Variants in CALCR observed in about 807,000 individuals in gnomAD.
CALCR encodes calcitonin receptor.
A neutral mutation model predicts 59.5 loss-of-function variants in CALCR; 47 were observed. That is an observed-to-expected ratio of 0.79 (90% CI 0.63 to 1.01). CALCR has a LOEUF of 1.01. Among genes scored for constraint, CALCR ranks in the 50% least tolerant of loss-of-function variants. The pLI, the probability that CALCR is intolerant of heterozygous loss-of-function variation, is 0.00. For synonymous variants in CALCR, 213 were observed against 211.3 expected (o/e 1.01, Z -0.07); for missense variants, 566 against 597.1 (o/e 0.95, Z 0.54).
chr7:93,434,261 TGCAGAA>T lies in CALCR; in HGVS notation c.1177_1182del (p.Phe393_Cys394del). Reference sequence around the variant, plus strand: ...ATGAAATGCATGCTTACCTCATTGTTGCAGAAGCAGTAGATGGTCGCAACAAAGAAG... The same window carrying T: ...ATGAAATGCATGCTTACCTCATTGTTGCAGTAGATGGTCGCAACAAAGAAG... On this transcript the variant is annotated inframe_deletion, in exon 13 of 14. Transcript: ENST00000426151. 6.2e-7 allele frequency: 1 copy of T among 1,610,604 alleles called. No individual in the cohort carries two copies. The highest frequency in any genetic ancestry group is 1.1e-5 in the South Asian group (1 of 91,002).
At chr7:93,486,810 A>G (rs1293509274) in intron 3 of CALCR, 121 bp downstream of exon 3, 3 of 694,856 alleles carry the variant, frequency 4.3e-6, no homozygotes, top group African/African-American at 1.9e-5. Context: ...TGAGGAACTT[A>G]GTTTCGGCTT....
At chr7:93,566,698 G>C (rs957337687) in intron 2 of CALCR, among the ~76,000 whole-genome samples, 1 of 152,146 alleles carries the variant, frequency 6.6e-6, no homozygotes, top group Non-Finnish European at 1.5e-5. Flanking sequence ...GAATGGGCTT[G>C]ATAATATACC....
At chr7:93,559,821 T>C (rs1474891530) in intron 2 of CALCR, 3 of 152,098 alleles carry the variant, frequency 2.0e-5, no homozygotes, top group Non-Finnish European at 4.4e-5. Flanking sequence ...CAACTTCCCT[T>C]TGGAGATTGG....
intron 2 of CALCR, among the ~76,000 whole-genome samples, chr7:93,548,249 A>G (rs1380151355): frequency 6.6e-6 from 1 of 152,190 alleles, no homozygotes; most frequent in Non-Finnish European, 1.5e-5. Context: ...TCTTGGATAG[A>G]GCATCTTTTG....
In CALCR at chr7:93,563,064, A is replaced by G. The variant is rs2116271731; in HGVS notation, c.-27+11225T>C. On this transcript the variant is annotated intron_variant, in intron 2 of 13. Transcript: ENST00000426151. ...ACTTGCAAAAGGCTGTGTAGCCTGA[A>G]CATGGAAGTACACACAAAGTTTCCT... Among the ~76,000 whole-genome samples, 3 of 152,346 alleles carry G rather than the reference A, an allele frequency of 2.0e-5. 1 individual carries two copies. In the Middle Eastern group the frequency reaches 0.01, roughly 518 times the overall value.
intron 7 of CALCR, among the ~76,000 whole-genome samples, chr7:93,461,320 G>A (rs1486908995): frequency 2.0e-5 from 3 of 152,154 alleles, no homozygotes; most frequent in Non-Finnish European, 4.4e-5. Context: ...GTTCATTGTT[G>A]CAACCAGGAA....
chr7:93,439,637 C>T (rs763501103), intron 9 of CALCR, among the ~76,000 whole-genome samples: 8 of 151,644 alleles, frequency 5.3e-5, no homozygotes, highest in African/African-American at 9.7e-5. Context: ...TCCCCAAGGT[C>T]CCAAGATCCA....
chr7:93,542,061 G>T (rs1215918937), intron 2 of CALCR, among the ~76,000 whole-genome samples: 2 of 152,070 alleles, frequency 1.3e-5, no homozygotes, highest in Non-Finnish European at 2.9e-5. Context: ...CTGCCATTTT[G>T]ATATATTTAC....
Position 93,468,717 on chromosome 7 carries a change from G to A in CALCR, c.519C>T (p.Phe173=). 6.2e-7 allele frequency: 1 copy of A among 1,605,368 alleles called. No homozygotes were observed. Among genetic ancestry groups the A allele is most frequent in the Non-Finnish European group, 8.5e-7 (1 of 1,173,474 alleles). The stretch of plus-strand genomic sequence containing the variant: ...GCAGATGCTGTGAGTGTACTTACCT[G>A]AAAAACACGAAAATCCCCAGGGAAA... ...LVISLGIFVF[F]RSLGCQRVTL... Residue 173 remains phenylalanine (F), a splice_region_variant and synonymous_variant, in exon 7 of 14, where the codon TTC becomes TTT. Coordinates refer to ENST00000426151, the MANE Select transcript of CALCR (RefSeq NM_001742.4).
At chr7:93,559,571 T>C (rs1018761927) in intron 2 of CALCR, 1 of 152,132 alleles carries the variant, frequency 6.6e-6, no homozygotes, top group Non-Finnish European at 1.5e-5. Context: ...TCCTCACTTT[T>C]AGCAGTGGTG....
chr7:93,518,941 G>T lies in CALCR; in HGVS notation c.-26-31934C>A, dbSNP rs1801701115. Among the ~76,000 whole-genome samples, 3 of 151,924 alleles carry T rather than the reference G, an allele frequency of 2.0e-5. No homozygotes were observed. The South Asian group carries it at 6.2e-4, about 32-fold the overall frequency. On this transcript the variant is annotated intron_variant, in intron 2 of 13. Coordinates refer to ENST00000426151, the MANE Select transcript of CALCR (RefSeq NM_001742.4). ...GTGGTTTCCTCTGAGGAGATGAGTT[G>T]TAGGATTGAGAGAAAAAATTTTTTA...
At chr7:93,429,956 CAG>C (rs1345802070) in intron 13 of CALCR, among the ~76,000 whole-genome samples, 2 of 122,420 alleles carry the variant, frequency 1.6e-5, no homozygotes, top group African/African-American at 3.3e-5. Context: ...TTTTTTGAGA[CAG>C]AGTCTTGCTG....
At chr7:93,524,600 G>T (rs1039148193) in intron 2 of CALCR, among the ~76,000 whole-genome samples, 1 of 152,074 alleles carries the variant, frequency 6.6e-6, no homozygotes, top group African/African-American at 2.4e-5. Flanking sequence ...ATGCTTTCTA[G>T]TACTAAGTAA....
At chr7:93,492,717 A>G (rs888343281) in intron 2 of CALCR, among the ~76,000 whole-genome samples, 21 of 151,378 alleles carry the variant, frequency 1.4e-4, no homozygotes, top group African/African-American at 5.1e-4. Flanking sequence ...AAATAACTCA[A>G]ATGCAGACTG....
At chr7:93,437,400 G>A (rs1211317623) in intron 11 of CALCR, among the ~76,000 whole-genome samples, 1 of 152,046 alleles carries the variant, frequency 6.6e-6, no homozygotes, top group South Asian at 2.1e-4. Context: ...TAATGACCTA[G>A]AGTTAGAGAT....
chr7:93,436,081 C>T lies in CALCR; in HGVS notation c.1020G>A (p.Lys340=). 2 of 1,614,120 alleles carry T rather than the reference C, an allele frequency of 1.2e-6. No individual in the cohort carries two copies. Among genetic ancestry groups the T allele is most frequent in the Non-Finnish European group, 1.7e-6 (2 of 1,179,972 alleles). ...THEAESHMYL[K]AVKATMILVP... is the part of the protein sequence containing the mutation. ...CAAGGATCATGGTGGCCTTCACAGC[C>T]TTCAGGTACATGTGGGATTCCGCCT... is the stretch of plus-strand genomic sequence containing the variant. The change falls in exon 12 of 14, where the codon AAG becomes AAA. Residue 340 remains lysine (K), a synonymous_variant. Coordinates refer to ENST00000426151, the MANE Select transcript of CALCR (RefSeq NM_001742.4).
At chr7:93,451,599 G>A (rs922163618) in intron 8 of CALCR, among the ~76,000 whole-genome samples, 7 of 151,898 alleles carry the variant, frequency 4.6e-5, no homozygotes. Context: ...AAAAAATGAT[G>A]GAAAGGGTCC....
At chr7:93,552,819 A>C (rs979162867) in intron 2 of CALCR, among the ~76,000 whole-genome samples, 1 of 152,182 alleles carries the variant, frequency 6.6e-6, no homozygotes, top group African/African-American at 2.4e-5. Context: ...GCTCAAGTAG[A>C]GTTCCCCTCT....
At chr7:93,540,907 T>C (rs2116179329) in intron 2 of CALCR, among the ~76,000 whole-genome samples, 1 of 151,840 alleles carries the variant, frequency 6.6e-6, no homozygotes, top group East Asian at 1.9e-4. Context: ...TGCCCACTCA[T>C]AATCAATCAG....
Sources: gnomAD v4.1 joint callset for allele counts (sites outside exome capture counted in the v4.1 genomes callset) on GRCh38, gnomAD v4.1.1 for gene constraint, MANE v1.5 for transcripts, NCBI Gene and HGNC (gene_info 2026-07-23, HGNC 2026-07-21) for gene names.